Variants in ENTREP2 observed in about 807,000 individuals in gnomAD.
The protein encoded by ENTREP2 is protein ENTREP2.
At chr15:29,630,709 A>G in the ENTREP2 span, among the ~76,000 whole-genome samples, 1 of 152,038 alleles carries the variant, frequency 6.6e-6, no homozygotes, top group Non-Finnish European at 1.5e-5. Context: ...AGTTTTTGAG[A>G]CACAGTCTTG....
the ENTREP2 span, chr15:29,196,657 G>T: frequency 1.4e-6 from 2 of 1,401,730 alleles, no homozygotes; most frequent in South Asian, 2.9e-5. Context: ...ACAGGAAAAT[G>T]GCTCAGTTCA....
chr15:29,150,724 A>G, the ENTREP2 span, among the ~76,000 whole-genome samples: 1 of 152,190 alleles, frequency 6.6e-6, no homozygotes, highest in Non-Finnish European at 1.5e-5. Context: ...CGTCTTGGTA[A>G]TGATGCTCTC....
the ENTREP2 span, among the ~76,000 whole-genome samples, chr15:29,430,356 C>T: frequency 6.6e-6 from 1 of 152,126 alleles, no homozygotes; most frequent in African/African-American, 2.4e-5. Flanking sequence ...AAATGGTTTC[C>T]TTATTTTTTG....
chr15:29,365,250 C>CTTTTT, the ENTREP2 span, among the ~76,000 whole-genome samples: 2 of 142,012 alleles, frequency 1.4e-5, no homozygotes, highest in Non-Finnish European at 1.5e-5. Flanking sequence ...TAGCTCATTT[C>CTTTTT]TTTTTTTTTT....
the ENTREP2 span, among the ~76,000 whole-genome samples, chr15:29,250,829 T>C: frequency 3.3e-4 from 50 of 152,290 alleles, no homozygotes; most frequent in African/African-American, 8.4e-4. Flanking sequence ...GTTGTGTCAA[T>C]TGTCAATCTT....
the ENTREP2 span, among the ~76,000 whole-genome samples, chr15:29,153,767 T>C: frequency 6.6e-6 from 1 of 152,264 alleles, no homozygotes; most frequent in African/African-American, 2.4e-5. Flanking sequence ...CCCATTTTTT[T>C]CTGAAAGTTT....
At chr15:29,131,182 G>C in the ENTREP2 span, among the ~76,000 whole-genome samples, 1 of 152,116 alleles carries the variant, frequency 6.6e-6, no homozygotes, top group African/African-American at 2.4e-5. Context: ...AGAGCTCTTC[G>C]TTTGGGGCAA....
chr15:29,480,519 G>C, the ENTREP2 span, among the ~76,000 whole-genome samples: 1 of 151,930 alleles, frequency 6.6e-6, no homozygotes, highest in African/African-American at 2.4e-5. Context: ...ACTGGAGCAC[G>C]GTCACAGAAG....
chr15:29,328,748 G>C, the ENTREP2 span, among the ~76,000 whole-genome samples: 115 of 152,320 alleles, frequency 7.5e-4, 1 homozygote, highest in African/African-American at 2.7e-3. Context: ...GGGAACAGGG[G>C]AGGAGGCTGG....
At chr15:29,149,118 C>G in the ENTREP2 span, among the ~76,000 whole-genome samples, 15 of 152,134 alleles carry the variant, frequency 9.9e-5, no homozygotes, top group African/African-American at 3.6e-4. Flanking sequence ...CTCAGGTGAT[C>G]TGCCGGCCTC....
the ENTREP2 span, among the ~76,000 whole-genome samples, chr15:29,151,244 G>C: frequency 1.3e-5 from 2 of 152,182 alleles, no homozygotes; most frequent in South Asian, 4.1e-4. Flanking sequence ...CCTGGGCAAA[G>C]GGTCAAATGA....
chr15:29,387,514 G>GA, the ENTREP2 span, among the ~76,000 whole-genome samples: 2 of 152,318 alleles, frequency 1.3e-5, no homozygotes, highest in Admixed American at 1.3e-4. Context: ...TGGATAGGAA[G>GA]AATCAATATC....
chr15:29,595,067 C>CAAAAAAAAAA, the ENTREP2 span, among the ~76,000 whole-genome samples: 26 of 86,594 alleles, frequency 3.0e-4, no homozygotes, highest in Non-Finnish European at 3.5e-4. Flanking sequence ...GACTCCGTCT[C>CAAAAAAAAAA]AAAAAAAAAA....
chr15:29,304,210 A>C, the ENTREP2 span, among the ~76,000 whole-genome samples: 1 of 152,050 alleles, frequency 6.6e-6, no homozygotes, highest in African/African-American at 2.4e-5. Context: ...TCAACACTCC[A>C]CTGAAAATAT....
chr15:29,140,559 C>T, the ENTREP2 span, among the ~76,000 whole-genome samples: 1 of 152,308 alleles, frequency 6.6e-6, no homozygotes, highest in African/African-American at 2.4e-5. Context: ...ACTCCCCGCT[C>T]TTTGAACAAA....
chr15:29,528,562 G>C, the ENTREP2 span, among the ~76,000 whole-genome samples: 28 of 152,168 alleles, frequency 1.8e-4, 1 homozygote, highest in East Asian at 3.9e-3. Flanking sequence ...CAATGATAAA[G>C]GAACCCAAAA....
the ENTREP2 span, among the ~76,000 whole-genome samples, chr15:29,407,679 GGTT>G: frequency 2.7e-5 from 4 of 147,954 alleles, no homozygotes; most frequent in East Asian, 6.7e-4. Flanking sequence ...CATTTTTTTG[GGTT>G]GGGGGGAGCC....
the ENTREP2 span, among the ~76,000 whole-genome samples, chr15:29,163,942 A>G: frequency 6.6e-6 from 1 of 152,198 alleles, no homozygotes. Flanking sequence ...TATAAAAGAA[A>G]ACCTATCAGA....
chr15:29,569,114 CTATA>C, the ENTREP2 span, among the ~76,000 whole-genome samples: 2 of 152,162 alleles, frequency 1.3e-5, no homozygotes, highest in Non-Finnish European at 2.9e-5. Flanking sequence ...TGTGTGAAAA[CTATA>C]TAGAGAGGGG....
Sources: gnomAD v4.1 joint callset for allele counts (sites outside exome capture counted in the v4.1 genomes callset) on GRCh38, gnomAD v4.1.1 for gene constraint, MANE v1.5 for transcripts, NCBI Gene and HGNC (gene_info 2026-07-23, HGNC 2026-07-21) for gene names.